Variants in AK2 observed in about 807,000 individuals in gnomAD.
AK2 encodes adenylate kinase 2, mitochondrial.
Under a neutral mutation model 24.6 loss-of-function variants are expected in AK2, and 15 were observed. The ratio of observed to expected loss-of-function variants is 0.61; its 90% CI spans 0.41 to 0.94. The LOEUF is 0.94. Ranked by LOEUF, AK2 falls within the 40% of genes least tolerant of loss-of-function variation. The probability of loss-of-function intolerance (pLI) is 0.00; values close to 1 mark genes in which losing one functional copy is unlikely to be tolerated. For missense variants in AK2, 257 were observed against 304.1 expected, an observed-to-expected ratio of 0.85 and a Z score of 1.15; for synonymous variants, 102 against 114.0, an observed-to-expected ratio of 0.90 and a Z score of 0.67.
Position 33,013,184 on chromosome 1 carries a change from G to C in AK2, c.717C>G (p.Ile239Met). ...AAATTCCTTCTTGGACCCAACATTA[G>C]ATAAACATAACCAAGTCTTTACATG... ...KATCKDLVMFI is the reference protein window; with the variant it reads ...KATCKDLVMFM The change falls in exon 6 of 6, where the codon ATC (isoleucine) becomes ATG (methionine). Residue 239 changes from isoleucine (I) to methionine (M), a missense_variant. Coordinates refer to ENST00000672715, the MANE Select transcript of AK2 (RefSeq NM_001625.4). 6.2e-7 allele frequency: 1 copy of C among 1,614,174 alleles called. No homozygotes were observed. Among genetic ancestry groups the C allele is most frequent in the Non-Finnish European group, 8.5e-7 (1 of 1,180,024 alleles).
At chr1:33,021,249 T>C (rs976578132) in intron 4 of AK2, 118 bp downstream of exon 4, 2 of 924,766 alleles carry the variant, frequency 2.2e-6, no homozygotes, top group Non-Finnish European at 3.6e-6. Flanking sequence ...TGTCACCAAA[T>C]AAAATCAATC....
At position 33,013,204 on chromosome 1, in the gene AK2, T is replaced by C. The variant is rs267606646; in HGVS notation, c.697A>G (p.Lys233Glu). 1 of 1,614,048 alleles carries C rather than the reference T, an allele frequency of 6.2e-7. No individual in the cohort carries two copies. Among genetic ancestry groups the C allele is most frequent in the Non-Finnish European group, 8.5e-7 (1 of 1,179,948 alleles). Reference sequence around the variant, plus strand: ...CATTAGATAAACATAACCAAGTCTTTACATGTGGCTTTGGAGAAGGCTGCT... The same window carrying C: ...CATTAGATAAACATAACCAAGTCTTCACATGTGGCTTTGGAGAAGGCTGCT... The part of the protein sequence containing the change: ...ILAAFSKATC[K>E]DLVMFI The change falls in exon 6 of 6, where the codon AAA becomes GAA. Residue 233 changes from lysine (K) to glutamate (E), a missense_variant. Coordinates refer to ENST00000672715, the MANE Select transcript of AK2 (RefSeq NM_001625.4).
In AK2 at chr1:33,012,952, T is replaced by G; in HGVS notation, c.*229A>C. 4 of 1,540,332 alleles carry G rather than the reference T, an allele frequency of 2.6e-6. No homozygotes were observed. In the South Asian group the frequency reaches 3.4e-5, roughly 13 times the overall value. On this transcript the variant is annotated 3_prime_UTR_variant, in exon 6 of 6. Coordinates refer to ENST00000672715, the MANE Select transcript of AK2 (RefSeq NM_001625.4). ...TGGTAAAGCAACCTAGCCTAAAACT[T>G]ACAAAGTAGCAGAGTGAACACATAT...
At chr1:33,016,325 C>T (rs1639182521) in intron 4 of AK2, among the ~76,000 whole-genome samples, 1 of 152,190 alleles carries the variant, frequency 6.6e-6, no homozygotes, top group African/African-American at 2.4e-5. Flanking sequence ...CATTCTCCTG[C>T]CTCAGCCTCC....
chr1:33,029,734 C>T (rs1175622836), intron 1 of AK2, among the ~76,000 whole-genome samples: 2 of 152,148 alleles, frequency 1.3e-5, no homozygotes, highest in Non-Finnish European at 2.9e-5. Flanking sequence ...TTAGTGCAGA[C>T]ACCTGATCAG....
chr1:33,017,695 G>A (rs1168890149), intron 4 of AK2, among the ~76,000 whole-genome samples: 2 of 152,222 alleles, frequency 1.3e-5, no homozygotes, highest in South Asian at 4.1e-4. Flanking sequence ...GCCACTGAGC[G>A]TGGCTTGGAG....
chr1:33,028,689 A>AAC (rs1224976233), intron 1 of AK2, among the ~76,000 whole-genome samples: 1 of 152,136 alleles, frequency 6.6e-6, no homozygotes, highest in East Asian at 1.9e-4. Context: ...GAGCCCAAGA[A>AAC]ACAGGCTCAT....
At position 33,009,132 on chromosome 1, in the gene AK2, G is replaced by A. The variant is rs1458543694; in HGVS notation, c.*4049C>T. The A allele has an allele frequency of 1.5e-5, 7 of 452,622 alleles. No individual in the cohort carries two copies. Among genetic ancestry groups the A allele is most frequent in the African/African-American group, 4.0e-5 (2 of 49,906 alleles). The allele number at this position is 452,622 out of a possible 1,614,324, so 28.0% of individuals were successfully genotyped here. A position where few individuals can be genotyped will look rare whatever the true frequency, so the allele number is the denominator to read the frequency against. On this transcript the variant is annotated 3_prime_UTR_variant, in exon 6 of 6. Coordinates refer to ENST00000672715, the MANE Select transcript of AK2 (RefSeq NM_001625.4). ...TGGTTCAGGGAACAGGATTTAATAT[G>A]TCAGTGAAGACCCTGCCTCTCTCTG...
In AK2 at chr1:33,036,752, GC is replaced by G; in HGVS notation, c.76del (p.Ala26ProfsTer19). The G allele has an allele frequency of 6.3e-7, 1 of 1,592,640 alleles. No individual in the cohort carries two copies. The highest frequency in any genetic ancestry group is 8.6e-7 in the Non-Finnish European group (1 of 1,169,388). ...GCCGCTCACCTGGGTCCCTTTACCG[GC>G]CCCGGGAGGCCCCAGCAGCACGGCC... ...IRAVLLGPPG[A>X]GKGTQAPRLA... On this transcript the variant is annotated frameshift_variant, in exon 1 of 6. Coordinates refer to ENST00000672715, the MANE Select transcript of AK2 (RefSeq NM_001625.4). LOFTEE classifies it high-confidence loss of function.
In AK2 at chr1:33,010,487, C is replaced by T. The variant is rs1362065891; in HGVS notation, c.*2694G>A. ...GGGGTTCTGAGATAAAAGCTGAGGT[C>T]TTAGAGCACTGGCTTTAAAAAATAT... On this transcript the variant is annotated 3_prime_UTR_variant, in exon 6 of 6. Coordinates refer to ENST00000672715, the MANE Select transcript of AK2 (RefSeq NM_001625.4). 1 of 623,128 alleles carries T rather than the reference C, an allele frequency of 1.6e-6. No homozygotes were observed. The highest frequency in any genetic ancestry group is 2.9e-6 in the Non-Finnish European group (1 of 339,750). The allele number at this position is 623,128 out of a possible 1,614,324, so 38.6% of individuals were successfully genotyped here.
At chr1:33,035,535 T>C (rs1434131102) in intron 1 of AK2, among the ~76,000 whole-genome samples, 6 of 152,166 alleles carry the variant, frequency 3.9e-5, no homozygotes, top group African/African-American at 7.2e-5. Flanking sequence ...ACTTCCCTCT[T>C]TGAAGCCTAA....
At chr1:33,031,922 C>T (rs1189347498) in intron 1 of AK2, 2 of 268,292 alleles carry the variant, frequency 7.5e-6, no homozygotes, top group African/African-American at 4.5e-5. Context: ...AATAACAAAC[C>T]CAGGTATTAT....
intron 1 of AK2, among the ~76,000 whole-genome samples, chr1:33,036,329 A>C (rs1640576086): frequency 1.3e-5 from 2 of 152,246 alleles, no homozygotes; most frequent in East Asian, 3.9e-4. Flanking sequence ...AGTGCCTGGA[A>C]TGTAACCCTG....
At chr1:33,022,735 G>T (rs1388875817) in intron 2 of AK2, among the ~76,000 whole-genome samples, 1 of 151,956 alleles carries the variant, frequency 6.6e-6, no homozygotes, top group African/African-American at 2.4e-5. Context: ...TTTTTCTCTT[G>T]GGCTGTTATA....
At position 33,008,903 on chromosome 1, in the gene AK2, C is replaced by T. The variant is rs1229727936; in HGVS notation, c.*4278G>A. ...GCTCACCCAGTCTTCTCTGTTTATT[C>T]TTCTCAACTACACCATGCTGCTTTG... On this transcript the variant is annotated 3_prime_UTR_variant, in exon 6 of 6. Transcript: ENST00000672715. 3 of 454,124 alleles carry T rather than the reference C, an allele frequency of 6.6e-6. No individual in the cohort carries two copies. The Admixed American group carries it at 7.0e-5, about 11-fold the overall frequency. 28.1% of individuals were successfully genotyped at this position (454,124 alleles called of 1,614,324 possible). A position where few individuals can be genotyped will look rare whatever the true frequency, so the allele number is the denominator to read the frequency against.
rs1450299773 is a variant in AK2, at chr1:33,008,008, T to C, written c.*5173A>G. ...CTCTCACACAGCTAAGAATTTAATATGTTAGACTATTATTAATTATGAAAA... is the reference window on the plus strand; with the variant it reads ...CTCTCACACAGCTAAGAATTTAATACGTTAGACTATTATTAATTATGAAAA... On this transcript the variant is annotated 3_prime_UTR_variant, in exon 6 of 6. Coordinates refer to ENST00000672715, the MANE Select transcript of AK2 (RefSeq NM_001625.4). 7 of 453,928 alleles carry C rather than the reference T, an allele frequency of 1.5e-5. No individual in the cohort carries two copies. Among genetic ancestry groups the C allele is most frequent in the African/African-American group, 4.0e-5 (2 of 49,988 alleles). 28.1% of individuals were successfully genotyped at this position (453,928 alleles called of 1,614,324 possible).
intron 1 of AK2, among the ~76,000 whole-genome samples, chr1:33,033,799 T>C (rs1231695386): frequency 6.6e-6 from 1 of 152,220 alleles, no homozygotes; most frequent in Non-Finnish European, 1.5e-5. Context: ...AAATTCTTCA[T>C]AATAAAAAGT....
intron 1 of AK2, among the ~76,000 whole-genome samples, chr1:33,033,564 T>G (rs1640383283): frequency 6.6e-6 from 1 of 152,214 alleles, no homozygotes; most frequent in Non-Finnish European, 1.5e-5. Flanking sequence ...AAAGAAAATT[T>G]GAATAAAAAT....
In AK2 at chr1:33,035,728, T is replaced by C. The variant is rs1041942245; in HGVS notation, c.93+1008A>G. Among the ~76,000 whole-genome samples the C allele has an allele frequency of 2.0e-5, 3 of 152,158 alleles. No individual in the cohort carries two copies. In the South Asian group the frequency reaches 6.2e-4, roughly 32 times the overall value. ...GGGCCCAGATCCCAAGTGAGGCCCC[T>C]GTTGCCTGCTAGGGCAGATGGTAAC... On this transcript the variant is annotated intron_variant, in intron 1 of 5. Transcript: ENST00000672715.
Sources: allele counts gnomAD v4.1 joint callset (sites outside exome capture counted in the v4.1 genomes callset), GRCh38; gene constraint gnomAD v4.1.1; transcripts MANE v1.5; gene names NCBI Gene and HGNC (gene_info 2026-07-23, HGNC 2026-07-21).